Variants in CDH2 observed in about 807,000 individuals in gnomAD.
CDH2 encodes the protein cadherin-2.
Under a neutral mutation model 92.0 loss-of-function variants are expected in CDH2, and 17 were observed. The observed-to-expected ratio is 0.18, with a 90% CI of 0.13 to 0.28. CDH2 has a LOEUF of 0.28. CDH2 is among the 10% of genes least tolerant of loss of function. The pLI, the probability that CDH2 is intolerant of heterozygous loss-of-function variation, is 1.00. For missense variants in CDH2, 862 were observed against 1,133.1 expected (o/e 0.76, Z 3.44); for synonymous variants, 419 against 415.9 (o/e 1.01, Z -0.09).
At chr18:27,992,935 T>C in intron 8 of CDH2, 95 bp from the exon 9 acceptor site, 1 of 748,778 alleles carries the variant, frequency 1.3e-6, no homozygotes. Flanking sequence ...ACTGCCCCAT[T>C]AGATTTTTAT....
At chr18:28,128,587 G>A (rs904207123) in intron 2 of CDH2, among the ~76,000 whole-genome samples, 1 of 151,870 alleles carries the variant, frequency 6.6e-6, no homozygotes, top group Non-Finnish European at 1.5e-5. Flanking sequence ...TTGGGAGGCT[G>A]AGATAGAAGA....
chr18:28,077,953 A>G (rs542231946), intron 2 of CDH2, among the ~76,000 whole-genome samples: 2 of 151,864 alleles, frequency 1.3e-5, no homozygotes, highest in East Asian at 3.9e-4. Context: ...ATTAACATTT[A>G]AGCTTTGCAA....
intron 2 of CDH2, among the ~76,000 whole-genome samples, chr18:28,107,623 A>G (rs2015343248): frequency 6.6e-6 from 1 of 152,204 alleles, no homozygotes; most frequent in Non-Finnish European, 1.5e-5. Context: ...AAAGTTACAA[A>G]TAAGCATATT....
At chr18:28,011,558 G>A (rs2144033336) in intron 4 of CDH2, among the ~76,000 whole-genome samples, 1 of 152,278 alleles carries the variant, frequency 6.6e-6, no homozygotes, top group African/African-American at 2.4e-5. Flanking sequence ...GAAATGGTAT[G>A]GTTGGGAATA....
chr18:28,166,810 T>C lies in CDH2; in HGVS notation c.60+10153A>G, dbSNP rs977352745. On this transcript the variant is annotated intron_variant, in intron 1 of 15. Coordinates refer to ENST00000269141, the MANE Select transcript of CDH2 (RefSeq NM_001792.5). Reference sequence around the variant, plus strand: ...ATTTGATTCCTTAAGTCTTCATCATTATGCATGGAAGCCTCTACCAACAAT... The same window carrying C: ...ATTTGATTCCTTAAGTCTTCATCATCATGCATGGAAGCCTCTACCAACAAT... Among the ~76,000 whole-genome samples, 6 of 152,226 alleles carry C rather than the reference T, an allele frequency of 3.9e-5. No individual in the cohort carries two copies. The South Asian group carries it at 8.3e-4, about 21-fold the overall frequency.
At chr18:28,025,996 T>C (rs1018123784) in intron 2 of CDH2, among the ~76,000 whole-genome samples, 1 of 152,138 alleles carries the variant, frequency 6.6e-6, no homozygotes, top group Non-Finnish European at 1.5e-5. Flanking sequence ...TAATCATTCA[T>C]GGGGGGCATG....
rs146337361 is a variant in CDH2, at chr18:28,087,794, A to AAAAACAAAAC, written c.172+59869_172+59878dup. Among the ~76,000 whole-genome samples the AAAAACAAAAC allele has an allele frequency of 6.0e-3, 913 of 151,488 alleles. 8 individuals are homozygous for AAAAACAAAAC. The highest frequency in any genetic ancestry group is 0.021 in the African/African-American group (849 of 41,288). ...AACAAAAAAAGAATGAATGAAAATAAAAAACAAAACAAAACAAAACAAAAC... is the reference window on the plus strand; with the variant it reads ...AACAAAAAAAGAATGAATGAAAATAAAAAACAAAACAAAACAAAACAAAACAAAACAAAAC... On this transcript the variant is annotated intron_variant, in intron 2 of 15. Transcript: ENST00000269141.
intron 6 of CDH2, among the ~76,000 whole-genome samples, chr18:28,004,156 C>G (rs188971559): frequency 6.6e-6 from 1 of 152,186 alleles, no homozygotes; most frequent in Non-Finnish European, 1.5e-5. Flanking sequence ...TTTTTCAAAA[C>G]CTTCAGTGTG....
At chr18:28,048,988 TA>T in intron 2 of CDH2, among the ~76,000 whole-genome samples, 1 of 152,182 alleles carries the variant, frequency 6.6e-6, no homozygotes, top group Non-Finnish European at 1.5e-5. Flanking sequence ...AGCATGAACC[TA>T]GAGCAGCCAC....
chr18:27,952,046 G>T lies in CDH2; in HGVS notation c.*107C>A. ...CAGCCTATGCCAAAGCCTCCAGCAA[G>T]CACTGTGCTAGTAGACTACAAAGTT... On this transcript the variant is annotated 3_prime_UTR_variant, in exon 16 of 16. Coordinates refer to ENST00000269141, the MANE Select transcript of CDH2 (RefSeq NM_001792.5). 1 of 970,210 alleles carries T rather than the reference G, an allele frequency of 1.0e-6. No individual in the cohort carries two copies. Among genetic ancestry groups the T allele is most frequent in the Non-Finnish European group, 1.6e-6 (1 of 613,144 alleles). 60.1% of individuals were successfully genotyped at this position (970,210 alleles called of 1,614,324 possible). A position where few individuals can be genotyped will look rare whatever the true frequency, so the allele number is the denominator to read the frequency against.
At chr18:28,002,019 G>T (rs532333174) in intron 7 of CDH2, among the ~76,000 whole-genome samples, 1 of 152,316 alleles carries the variant, frequency 6.6e-6, no homozygotes, top group African/African-American at 2.4e-5. Flanking sequence ...ATCTCCCTAT[G>T]AGTTGGCGCT....
intron 2 of CDH2, among the ~76,000 whole-genome samples, chr18:28,024,038 G>A (rs1241403878): frequency 6.6e-6 from 1 of 151,684 alleles, no homozygotes; most frequent in Non-Finnish European, 1.5e-5. Context: ...TGATCATATA[G>A]TGCTGTATAT....
rs527647579 is a variant in CDH2, at chr18:28,100,097, G to A, written c.172+47576C>T. 1.6e-4 allele frequency among the ~76,000 whole-genome samples: 24 copies of A among 152,190 alleles called. No homozygotes were observed. In the East Asian group the frequency reaches 3.3e-3, roughly 21 times the overall value. On this transcript the variant is annotated intron_variant, in intron 2 of 15. Transcript: ENST00000269141. ...GCACTGGATAAACACCACATGTGAC[G>A]GTTAATTTTATGGGTCAATGTGGCT...
intron 2 of CDH2, among the ~76,000 whole-genome samples, chr18:28,071,026 A>G (rs1164905800): frequency 6.6e-6 from 1 of 152,064 alleles, no homozygotes; most frequent in Admixed American, 6.5e-5. Context: ...TTCTGCCTGC[A>G]TGGATCTCCT....
At chr18:28,065,347 G>T (rs2144154985) in intron 2 of CDH2, among the ~76,000 whole-genome samples, 1 of 152,244 alleles carries the variant, frequency 6.6e-6, no homozygotes, top group African/African-American at 2.4e-5. Flanking sequence ...GATACAAGTG[G>T]TAGGGTGATG....
chr18:28,075,730 C>G (rs1175147697), intron 2 of CDH2, among the ~76,000 whole-genome samples: 1 of 152,174 alleles, frequency 6.6e-6, no homozygotes, highest in East Asian at 1.9e-4. Flanking sequence ...TAGACTCTAT[C>G]TCTGCCTATC....
intron 2 of CDH2, among the ~76,000 whole-genome samples, chr18:28,030,420 A>G (rs562341957): frequency 6.6e-6 from 1 of 152,154 alleles, no homozygotes; most frequent in Non-Finnish European, 1.5e-5. Flanking sequence ...ATGGCATGGC[A>G]CAATAGGTCC....
chr18:27,960,875 A>G (rs777464790), intron 15 of CDH2, among the ~76,000 whole-genome samples: 1 of 152,180 alleles, frequency 6.6e-6, no homozygotes, highest in South Asian at 2.1e-4. Flanking sequence ...GTCTCCAGCC[A>G]TAATAAACTG....
intron 2 of CDH2, among the ~76,000 whole-genome samples, chr18:28,145,709 T>A (rs545392194): frequency 3.9e-5 from 6 of 152,214 alleles, no homozygotes; most frequent in African/African-American, 1.4e-4. Flanking sequence ...TTCCAAAAAG[T>A]TGTTTTTTTC....
Sources: allele counts gnomAD v4.1 joint callset (sites outside exome capture counted in the v4.1 genomes callset), GRCh38; gene constraint gnomAD v4.1.1; transcripts MANE v1.5; gene names NCBI Gene and HGNC (gene_info 2026-07-23, HGNC 2026-07-21).